Variants in AKT3 observed in about 807,000 individuals in gnomAD.
The protein encoded by AKT3 is RAC-gamma serine/threonine-protein kinase.
In AKT3, 15 loss-of-function variants were observed where a neutral mutation model predicts 65.3. That is an observed-to-expected ratio of 0.23 (90% CI 0.15 to 0.35). The LOEUF (loss-of-function observed/expected upper bound fraction) is 0.35, where lower values mean the gene tolerates loss of function less well. Ranked by LOEUF, AKT3 falls within the 10% of genes least tolerant of loss-of-function variation. The probability of loss-of-function intolerance (pLI) is 1.00; values close to 1 mark genes in which losing one functional copy is unlikely to be tolerated. For synonymous variants in AKT3, 206 were observed against 183.8 expected (o/e 1.12, Z -0.98); for missense variants, 243 against 576.5 (o/e 0.42, Z 5.92).
chr1:243,833,118 A>G (rs1334780345), intron 2 of AKT3, among the ~76,000 whole-genome samples: 1 of 152,070 alleles, frequency 6.6e-6, no homozygotes, highest in Non-Finnish European at 1.5e-5. Flanking sequence ...AAAATTAGCC[A>G]GGCACAGTGG....
intron 4 of AKT3, among the ~76,000 whole-genome samples, chr1:243,659,392 G>A (rs1418720951): frequency 1.3e-5 from 2 of 152,120 alleles, no homozygotes; most frequent in African/African-American, 4.8e-5. Flanking sequence ...CCTTAAAAAT[G>A]AAAGAGGATT....
In AKT3 at chr1:243,682,023, C is replaced by A. The variant is rs573281777; in HGVS notation, c.172+13568G>T. Among the ~76,000 whole-genome samples, 222 of 152,058 alleles carry A rather than the reference C, an allele frequency of 1.5e-3. 1 individual carries two copies. Among genetic ancestry groups the A allele is most frequent in the Non-Finnish European group, 3.7e-4 (25 of 67,996 alleles). Reference sequence around the variant, plus strand: ...CCAAATATAATGGGCAAACAATCATCTTTCTAATTACAATTTCAAAAACTA... The same window carrying A: ...CCAAATATAATGGGCAAACAATCATATTTCTAATTACAATTTCAAAAACTA... On this transcript the variant is annotated intron_variant, in intron 3 of 13. Coordinates refer to ENST00000673466, the MANE Select transcript of AKT3 (RefSeq NM_005465.7).
intron 8 of AKT3, among the ~76,000 whole-genome samples, chr1:243,590,727 A>G (rs1676166665): frequency 6.6e-6 from 1 of 152,204 alleles, no homozygotes; most frequent in South Asian, 2.1e-4. Flanking sequence ...AATCATAGCT[A>G]AAGAATCGAT....
chr1:243,749,075 C>A (rs1255352480), intron 2 of AKT3, among the ~76,000 whole-genome samples: 2 of 152,048 alleles, frequency 1.3e-5, no homozygotes, highest in Non-Finnish European at 2.9e-5. Flanking sequence ...GTCCTTCATT[C>A]TCTCCCTATT....
At chr1:243,807,943 C>A (rs1162869678) in intron 2 of AKT3, among the ~76,000 whole-genome samples, 2 of 152,160 alleles carry the variant, frequency 1.3e-5, no homozygotes, top group Non-Finnish European at 2.9e-5. Flanking sequence ...GGACCTCCAG[C>A]AAACTCCAAC....
chr1:243,739,565 T>C (rs541440748), intron 2 of AKT3: 1 of 152,364 alleles, frequency 6.6e-6, no homozygotes, highest in African/African-American at 2.4e-5. Flanking sequence ...GGCTACTTTG[T>C]TGAACAGTAC....
intron 6 of AKT3, among the ~76,000 whole-genome samples, chr1:243,636,806 C>A (rs912599800): frequency 1.3e-5 from 2 of 152,058 alleles, no homozygotes; most frequent in African/African-American, 4.8e-5. Flanking sequence ...GATTCCAAAG[C>A]CAATGTTCTT....
intron 12 of AKT3, among the ~76,000 whole-genome samples, 184 bp from the exon 13 acceptor site, chr1:243,512,610 T>C (rs1041282234): frequency 3.3e-5 from 5 of 152,144 alleles, no homozygotes; most frequent in African/African-American, 4.8e-5. Flanking sequence ...CGGTGGGTAA[T>C]TGGTGGTTCT....
At chr1:243,817,056 A>G (rs573907495) in intron 2 of AKT3, among the ~76,000 whole-genome samples, 1 of 152,226 alleles carries the variant, frequency 6.6e-6, no homozygotes, top group Admixed American at 6.5e-5. Flanking sequence ...AACATGCTCT[A>G]AAGTAATCCA....
At chr1:243,727,566 C>T (rs939875498) in intron 2 of AKT3, among the ~76,000 whole-genome samples, 5 of 152,134 alleles carry the variant, frequency 3.3e-5, no homozygotes, top group African/African-American at 1.2e-4. Flanking sequence ...CAGGTGTCAG[C>T]CACTGCTCCC....
At chr1:243,624,191 T>C (rs1256753126) in intron 6 of AKT3, among the ~76,000 whole-genome samples, 2 of 152,152 alleles carry the variant, frequency 1.3e-5, no homozygotes, top group Non-Finnish European at 2.9e-5. Context: ...GATGCCTAAA[T>C]GGGTATACAG....
intron 6 of AKT3, among the ~76,000 whole-genome samples, chr1:243,634,366 T>A (rs1203120128): frequency 6.6e-6 from 1 of 152,012 alleles, no homozygotes; most frequent in East Asian, 1.9e-4. Context: ...ACATACTACC[T>A]AAGATAAAGT....
rs139689717 is a variant in AKT3 at position 243,837,389 on chromosome 1, C to T, written c.46+5736G>A. ...GGCTTCACTGATACATTTTGTCAAA[C>T]ACTGAAGAAAAAATACAATCCACCT... On this transcript the variant is annotated intron_variant, in intron 2 of 13. Coordinates refer to ENST00000673466, the MANE Select transcript of AKT3 (RefSeq NM_005465.7). 2.0e-4 allele frequency among the ~76,000 whole-genome samples: 31 copies of T among 152,182 alleles called. No homozygotes were observed. In the East Asian group the frequency reaches 5.4e-3, roughly 27 times the overall value.
chr1:243,690,691 C>T (rs1684633308), intron 3 of AKT3, among the ~76,000 whole-genome samples: 1 of 143,562 alleles, frequency 7.0e-6, no homozygotes, highest in Admixed American at 7.4e-5. Context: ...GGCCCCAAAT[C>T]AGGTCTCATC....
intron 2 of AKT3, among the ~76,000 whole-genome samples, chr1:243,803,653 C>CTGT (rs1377827887): frequency 8.4e-5 from 7 of 83,690 alleles, no homozygotes; most frequent in African/African-American, 3.8e-4. Flanking sequence ...TGTACACACA[C>CTGT]ACACACACAC....
chr1:243,731,543 G>A (rs147290035), intron 2 of AKT3, among the ~76,000 whole-genome samples: 7 of 152,160 alleles, frequency 4.6e-5, no homozygotes, highest in Admixed American at 2.0e-4. Context: ...GCTAGCCACC[G>A]CAGCTATTTA....
At chr1:243,622,501 T>A (rs1218188281) in intron 6 of AKT3, among the ~76,000 whole-genome samples, 2 of 152,136 alleles carry the variant, frequency 1.3e-5, no homozygotes, top group Non-Finnish European at 2.9e-5. Flanking sequence ...AGGAGAGGAG[T>A]TTGTCAGTTT....
chr1:243,700,989 A>AGGTATTATT (rs1424608932), intron 2 of AKT3, among the ~76,000 whole-genome samples: 1,526 of 152,346 alleles, frequency 0.01, 29 homozygotes, highest in African/African-American at 0.035. Context: ...TGATAACAAC[A>AGGTATTATT]AACTGTATTT....
intron 2 of AKT3, among the ~76,000 whole-genome samples, chr1:243,801,437 C>T (rs903524698): frequency 5.3e-5 from 8 of 152,144 alleles, no homozygotes; most frequent in Non-Finnish European, 1.2e-4. Context: ...CAGGACTTGC[C>T]ATGCCATGGA....
Sources: gnomAD v4.1 joint callset for allele counts (sites outside exome capture counted in the v4.1 genomes callset) on GRCh38, gnomAD v4.1.1 for gene constraint, MANE v1.5 for transcripts, NCBI Gene and HGNC (gene_info 2026-07-23, HGNC 2026-07-21) for gene names.